The following DPPA2 variants were observed in gnomAD, a reference collection of about 807,000 sequenced individuals.
DPPA2 encodes developmental pluripotency-associated protein 2.
In DPPA2, 26 loss-of-function variants were observed where a neutral mutation model predicts 36.2. The observed-to-expected ratio is 0.72, with a 90% CI of 0.53 to 1.00. The LOEUF is 1.00. DPPA2 is among the 50% of genes least tolerant of loss of function. The pLI is 0.00. For synonymous variants in DPPA2, 113 were observed against 123.2 expected, an observed-to-expected ratio of 0.92 and a Z score of 0.55; for missense variants, 361 against 365.1, an observed-to-expected ratio of 0.99 and a Z score of 0.09.
chr3:109,308,220 G>A lies in DPPA2; in HGVS notation c.470C>T (p.Ala157Val). ...SRKRKAVTKRARLQRSYEMNE... is the reference protein window; with the variant it reads ...SRKRKAVTKRVRLQRSYEMNE... ...CATCTCATAACTTCTCTGAAGCCTT[G>A]CTCTCTTGGTCACTGCCTTGCGTTT... Residue 157 changes from alanine (A) to valine (V), a missense_variant, in exon 6 of 9, where the codon GCA (alanine) becomes GTA (valine). Ala to Val is a moderately conservative substitution (Grantham distance 64, BLOSUM62 0). Transcript: ENST00000478945. 1 of 1,614,174 alleles carries A rather than the reference G, an allele frequency of 6.2e-7. No homozygotes were observed. The highest frequency in any genetic ancestry group is 8.5e-7 in the Non-Finnish European group (1 of 1,180,028).
At chr3:109,310,718 C>A (rs111691648) in intron 3 of DPPA2, among the ~76,000 whole-genome samples, 55 of 151,434 alleles carry the variant, frequency 3.6e-4, no homozygotes, top group South Asian at 1.5e-3. Flanking sequence ...GTTGGCCAGG[C>A]TGGTCTCGAA....
chr3:109,315,968 G>GC (rs1353678164), intron 1 of DPPA2, among the ~76,000 whole-genome samples: 1 of 152,116 alleles, frequency 6.6e-6, no homozygotes, highest in African/African-American at 2.4e-5. Flanking sequence ...AAATTATGAG[G>GC]CCCCACCCCA....
chr3:109,308,486 C>G, intron 5 of DPPA2, among the ~76,000 whole-genome samples, 193 bp from the exon 6 acceptor site: 1 of 152,200 alleles, frequency 6.6e-6, no homozygotes. Context: ...CCTCAGCCTC[C>G]CTAGTAGCTG....
chr3:109,310,386 C>T (rs1478028811), intron 3 of DPPA2, among the ~76,000 whole-genome samples: 3 of 86,930 alleles, frequency 3.5e-5, no homozygotes, highest in African/African-American at 5.1e-5. Flanking sequence ...CCAGCCTGGG[C>T]AATACAGTGA....
intron 3 of DPPA2, among the ~76,000 whole-genome samples, chr3:109,310,247 GAAA>G (rs1707677966): frequency 1.8e-5 from 2 of 113,926 alleles, no homozygotes; most frequent in Admixed American, 1.8e-4. Context: ...AAAAAAAAAA[GAAA>G]AATTACCTGG....
intron 8 of DPPA2, among the ~76,000 whole-genome samples, chr3:109,296,355 A>G (rs922879353): frequency 6.6e-6 from 1 of 152,226 alleles, no homozygotes; most frequent in Non-Finnish European, 1.5e-5. Flanking sequence ...CTTACAAACA[A>G]GAAGAGAGTA....
At chr3:109,296,874 G>C (rs2107299450) in intron 8 of DPPA2, among the ~76,000 whole-genome samples, 1 of 152,132 alleles carries the variant, frequency 6.6e-6, no homozygotes, top group East Asian at 1.9e-4. Context: ...GATCACTTGA[G>C]CCAGGAGTTC....
intron 2 of DPPA2, 71 bp downstream of exon 2, chr3:109,314,439 A>G (rs1484877301): frequency 6.6e-7 from 1 of 1,504,216 alleles, no homozygotes; most frequent in Non-Finnish European, 9.1e-7. Context: ...TAAAAGAGAA[A>G]CATAAGGGAG....
Position 109,300,409 on chromosome 3 carries a change from A to G in DPPA2, c.881T>C (p.Met294Thr). ...AGGTTGCTGCTACTTCTCTACTGTC[A>G]TTAATCTTTTCATCATCTTCTTATT... The part of the protein sequence containing the change: ...KRNKKMMKRL[M>T]TVEK The change falls in exon 8 of 9, where the codon ATG becomes ACG. Residue 294 changes from methionine (M) to threonine (T), a missense_variant. Coordinates refer to ENST00000478945, the MANE Select transcript of DPPA2 (RefSeq NM_138815.4). The G allele has an allele frequency of 1.2e-6, 2 of 1,613,988 alleles. No homozygotes were observed. Among genetic ancestry groups the G allele is most frequent in the Non-Finnish European group, 1.7e-6 (2 of 1,179,886 alleles).
chr3:109,312,059 C>T (rs1707720123), intron 3 of DPPA2, among the ~76,000 whole-genome samples: 1 of 152,166 alleles, frequency 6.6e-6, no homozygotes, highest in Admixed American at 6.5e-5. Context: ...TAAGGCAGTA[C>T]AGGCCAGGCG....
Position 109,304,484 on chromosome 3 carries a change from C to T in DPPA2, c.845G>A (p.Cys282Tyr). Residue 282 changes from cysteine to tyrosine, a missense_variant, in exon 7 of 9, where the codon TGT becomes TAT. Cys to Tyr is a radical substitution (Grantham distance 194). Transcript: ENST00000478945. ...GATACATAAGGGTTACCTCTTAGCA[C>T]AGTCGGGGCATAACATATTATCTTC... is the stretch of plus-strand genomic sequence containing the variant. Reference protein sequence around the residue: ...GIEDNMLCPDCAKRNKKMMKR... With the variant: ...GIEDNMLCPDYAKRNKKMMKR... 1 of 1,611,532 alleles carries T rather than the reference C, an allele frequency of 6.2e-7. No individual in the cohort carries two copies. Among genetic ancestry groups the T allele is most frequent in the Non-Finnish European group, 8.5e-7 (1 of 1,178,866 alleles).
chr3:109,296,911 A>C (rs1707361575), intron 8 of DPPA2, among the ~76,000 whole-genome samples: 1 of 151,660 alleles, frequency 6.6e-6, no homozygotes, highest in African/African-American at 2.4e-5. Flanking sequence ...ACATGGCAAA[A>C]CCCCATCTCT....
chr3:109,307,020 G>T (rs1707579359), intron 6 of DPPA2, among the ~76,000 whole-genome samples: 1 of 151,560 alleles, frequency 6.6e-6, no homozygotes, highest in Non-Finnish European at 1.5e-5. Flanking sequence ...TCAGGCCAGA[G>T]TGCCATGGCA....
At position 109,296,614 on chromosome 3, in the gene DPPA2, G is replaced by A. The variant is rs143909361; in HGVS notation, c.*23-2610C>T. Among the ~76,000 whole-genome samples the A allele has an allele frequency of 2.1e-3, 318 of 152,146 alleles. 2 individuals are homozygous for A. The highest frequency in any genetic ancestry group is 6.8e-3 in the African/African-American group (283 of 41,462). On this transcript the variant is annotated intron_variant, in intron 8 of 8. Transcript: ENST00000478945. The stretch of plus-strand genomic sequence containing the variant: ...TGTTTGAACCCAGGAGGTGGAGGTT[G>A]CAGAGAGCCAAGATCGCGCCATTGC...
chr3:109,314,879 C>T (rs1183306662), intron 1 of DPPA2, among the ~76,000 whole-genome samples: 2 of 152,038 alleles, frequency 1.3e-5, no homozygotes, highest in East Asian at 1.9e-4. Context: ...GCCTGGGAAA[C>T]ATGGCGAGAC....
chr3:109,308,731 C>T (rs1194495534), intron 5 of DPPA2, among the ~76,000 whole-genome samples: 3 of 152,112 alleles, frequency 2.0e-5, no homozygotes, highest in African/African-American at 4.8e-5. Flanking sequence ...ATATTAGTTC[C>T]CATAAACTGT....
intron 1 of DPPA2, among the ~76,000 whole-genome samples, chr3:109,314,884 C>T (rs1413610103): frequency 2.0e-5 from 3 of 151,966 alleles, no homozygotes; most frequent in Non-Finnish European, 4.4e-5. Context: ...GGAAACATGG[C>T]GAGACCCCCA....
intron 8 of DPPA2, among the ~76,000 whole-genome samples, chr3:109,297,885 C>T (rs147119171): frequency 6.6e-6 from 1 of 152,072 alleles, no homozygotes; most frequent in Non-Finnish European, 1.5e-5. Context: ...GGCAGAAGGA[C>T]AGCTTGAGGC....
At position 109,305,340 on chromosome 3, in the gene DPPA2, C is replaced by G. The variant is rs146605909; in HGVS notation, c.659-670G>C. On this transcript the variant is annotated intron_variant, in intron 6 of 8. Transcript: ENST00000478945. ...ATTTCTTATTCACAGGTGAGATAAA[C>G]GAAGCTTATGGTGTTAAATATCATA... 2.5e-3 allele frequency among the ~76,000 whole-genome samples: 380 copies of G among 152,150 alleles called. 1 individual carries two copies. The highest frequency in any genetic ancestry group is 8.4e-3 in the African/African-American group (350 of 41,498).
Sources: gnomAD v4.1 joint callset for allele counts (sites outside exome capture counted in the v4.1 genomes callset) on GRCh38, gnomAD v4.1.1 for gene constraint, MANE v1.5 for transcripts, NCBI Gene and HGNC (gene_info 2026-07-23, HGNC 2026-07-21) for gene names.